The following CWC25 variants were observed in gnomAD, a reference collection of about 807,000 sequenced individuals.
CWC25 encodes the protein pre-mRNA-splicing factor CWC25 homolog.
In CWC25, 31 loss-of-function variants were observed where a neutral mutation model predicts 54.6. That is an observed-to-expected ratio of 0.57 (90% CI 0.43 to 0.77). The LOEUF (loss-of-function observed/expected upper bound fraction) is 0.77, where lower values mean the gene tolerates loss of function less well. Ranked by LOEUF, CWC25 falls within the 30% of genes least tolerant of loss-of-function variation. CWC25 has a pLI of 0.00. For synonymous variants in CWC25, 151 were observed against 187.0 expected (o/e 0.81, Z 1.57); for missense variants, 453 against 529.3 (o/e 0.86, Z 1.41).
intron 1 of CWC25, among the ~76,000 whole-genome samples, chr17:38,821,841 C>A (rs1306475610): frequency 1.3e-5 from 2 of 151,426 alleles, no homozygotes; most frequent in Non-Finnish European, 2.9e-5. Context: ...GCTATCTCGG[C>A]TGACTGCACC....
In CWC25 at chr17:38,815,803, C is replaced by T. The variant is rs190528971; in HGVS notation, c.192-706G>A. The T allele has an allele frequency of 1.4e-5, 8 of 577,624 alleles. No homozygotes were observed. In the East Asian group the frequency reaches 4.9e-4, roughly 35 times the overall value. The allele number at this position is 577,624 out of a possible 1,614,324, so 35.8% of individuals were successfully genotyped here. On this transcript the variant is annotated intron_variant, in intron 2 of 9. Coordinates refer to ENST00000614790, the MANE Select transcript of CWC25 (RefSeq NM_017748.5). ...TTACCATCAAGAACAATTTCAGTGA[C>T]CACATACGCAGTTGCATTGATTGTG...
chr17:38,814,841 TC>T lies in CWC25; in HGVS notation c.428+19del, dbSNP rs1190163148. 1 of 1,573,142 alleles carries T rather than the reference TC, an allele frequency of 6.4e-7. No homozygotes were observed. The highest frequency in any genetic ancestry group is 8.7e-7 in the Non-Finnish European group (1 of 1,151,694). On this transcript the variant is annotated intron_variant, in intron 3 of 9. Transcript: ENST00000614790. Reference sequence around the variant, plus strand: ...TCAAAGCATCTGTAACAAACCCCCTTCCTAGCCCCCCATTAGTACCTGATGA... The same window carrying T: ...TCAAAGCATCTGTAACAAACCCCCTTCTAGCCCCCCATTAGTACCTGATGA...
intron 1 of CWC25, among the ~76,000 whole-genome samples, chr17:38,821,387 G>A (rs1181357923): frequency 2.6e-5 from 4 of 152,024 alleles, no homozygotes; most frequent in South Asian, 2.1e-4. Context: ...ATGATGAAAC[G>A]CCTCTACTGA....
chr17:38,822,850 ATTT>A (rs36069874), intron 1 of CWC25, among the ~76,000 whole-genome samples: 1 of 139,504 alleles, frequency 7.2e-6, no homozygotes. Context: ...CGCCTGGCCA[ATTT>A]TTTTTTTTTT....
intron 6 of CWC25, 38 bp downstream of exon 6, chr17:38,809,664 T>G (rs755002744): frequency 6.2e-7 from 1 of 1,602,030 alleles, no homozygotes; most frequent in Admixed American, 1.7e-5. Flanking sequence ...CATCCCACAG[T>G]CCCACAGTCA....
In CWC25 at chr17:38,825,221, G is replaced by T. The variant is rs770014030; in HGVS notation, c.-38C>A. On this transcript the variant is annotated 5_prime_UTR_variant, in exon 1 of 10. Coordinates refer to ENST00000614790, the MANE Select transcript of CWC25 (RefSeq NM_017748.5). ...GATTCCTCACTACGCGGATCTGGAA[G>T]ATTTCGGGAGGATCAAGAGAAAACG... is the stretch of plus-strand genomic sequence containing the variant. 5.7e-6 allele frequency: 9 copies of T among 1,580,122 alleles called. No homozygotes were observed. The East Asian group carries it at 2.1e-4, about 37-fold the overall frequency.
chr17:38,810,697 A>C (rs958076532), intron 4 of CWC25, 102 bp from the exon 5 acceptor site: 2 of 704,926 alleles, frequency 2.8e-6, no homozygotes, highest in Non-Finnish European at 5.1e-6. Context: ...AGTGGAGCAG[A>C]TCATCACTTG....
In CWC25 at chr17:38,820,481, C is replaced by T. The variant is rs114912253; in HGVS notation, c.191+420G>A. ...ATCCACCTTCTCTCATGGGACCTCA[C>T]TCCCTGCCCCCTGTCCCCGCCGACC... is the stretch of plus-strand genomic sequence containing the variant. On this transcript the variant is annotated intron_variant, in intron 2 of 9. Transcript: ENST00000614790. Among the ~76,000 whole-genome samples, 1,389 of 152,176 alleles carry T rather than the reference C, an allele frequency of 9.1e-3. 27 individuals are homozygous for T. Among genetic ancestry groups the T allele is most frequent in the African/African-American group, 0.032 (1,324 of 41,538 alleles).
chr17:38,823,279 C>T (rs1204872612), intron 1 of CWC25, among the ~76,000 whole-genome samples: 1 of 151,156 alleles, frequency 6.6e-6, no homozygotes, highest in Admixed American at 6.6e-5. Flanking sequence ...CCTGCCTCAG[C>T]CTCCCAAGTA....
chr17:38,807,627 A>G (rs1911306773), intron 6 of CWC25, among the ~76,000 whole-genome samples: 1 of 138,278 alleles, frequency 7.2e-6, no homozygotes, highest in Non-Finnish European at 1.6e-5. Context: ...GTGGCAGCAC[A>G]CGCCTGTAGT....
intron 8 of CWC25, among the ~76,000 whole-genome samples, chr17:38,803,254 A>G (rs537296901): frequency 9.2e-5 from 14 of 152,366 alleles, no homozygotes; most frequent in Non-Finnish European, 1.5e-4. Flanking sequence ...TGGAGACTAG[A>G]AATTCATGAC....
Position 38,806,972 on chromosome 17 carries a change from C to G in CWC25, c.695G>C (p.Arg232Pro), listed in dbSNP as rs372259538. Residue 232 changes from arginine (R) to proline (P), a missense_variant, in exon 7 of 10, where the codon CGG becomes CCG. By Grantham distance (103) the Arg-to-Pro change is moderately radical (BLOSUM62 -2). This residue lies in a region of CWC25 where 444 missense variants were observed against 499.2 expected (regional missense o/e 0.89). Transcript: ENST00000614790. ...AAGACCCTGGTTACGGTCAGAGTTCCGGACCTACATCATTAAGGAAAAGAG... is the reference window on the plus strand; with the variant it reads ...AAGACCCTGGTTACGGTCAGAGTTCGGGACCTACATCATTAAGGAAAAGAG... The part of the protein sequence containing the change: ...SKVPGYGLQV[R>P]NSDRNQGLQG... 1 of 1,608,490 alleles carries G rather than the reference C, an allele frequency of 6.2e-7. No individual in the cohort carries two copies. The highest frequency in any genetic ancestry group is 2.2e-5 in the East Asian group (1 of 44,774).
At chr17:38,815,732 C>T (rs1335958350) in intron 2 of CWC25, 1 of 1,243,344 alleles carries the variant, frequency 8.0e-7, no homozygotes, top group Non-Finnish European at 1.0e-6. Flanking sequence ...GCTTTCATTT[C>T]CAAGATGACC....
At chr17:38,805,863 T>C (rs1474431429) in intron 8 of CWC25, among the ~76,000 whole-genome samples, 4 of 152,068 alleles carry the variant, frequency 2.6e-5, no homozygotes, top group African/African-American at 9.7e-5. Flanking sequence ...CCTGGGCTGC[T>C]GTGCAGTGGT....
chr17:38,823,262 C>T (rs1488987083), intron 1 of CWC25, among the ~76,000 whole-genome samples: 20 of 149,602 alleles, frequency 1.3e-4, no homozygotes, highest in African/African-American at 2.2e-4. Context: ...TGGGTTCAAG[C>T]GATTCTCCTG....
intron 1 of CWC25, 115 bp from the exon 2 acceptor site, chr17:38,821,188 G>A: frequency 1.1e-6 from 1 of 950,850 alleles, no homozygotes; most frequent in Non-Finnish European, 1.6e-6. Flanking sequence ...AGGGCAAGAT[G>A]TCTTCAACAA....
intron 8 of CWC25, among the ~76,000 whole-genome samples, chr17:38,803,919 C>T (rs1911127545): frequency 6.6e-6 from 1 of 151,854 alleles, no homozygotes; most frequent in South Asian, 2.1e-4. Context: ...TGGTGGCACC[C>T]GTGTAGCCCC....
intron 2 of CWC25, among the ~76,000 whole-genome samples, chr17:38,819,533 ATTT>A (rs779646563): frequency 2.2e-5 from 3 of 137,206 alleles, no homozygotes; most frequent in Admixed American, 7.4e-5. Context: ...CGCCCAGTTA[ATTT>A]TTTTTTTTTT....
chr17:38,825,277 G>C lies in CWC25; in HGVS notation c.-94C>G. The stretch of plus-strand genomic sequence containing the variant: ...AAATAGTTCGGGGGCTACCTCGCGG[G>C]ATCTAGTCCCAGGAGCCGTCAACTG... On this transcript the variant is annotated 5_prime_UTR_variant, in exon 1 of 10. The change creates a new upstream start codon in the 5' untranslated region. Coordinates refer to ENST00000614790, the MANE Select transcript of CWC25 (RefSeq NM_017748.5). The C allele has an allele frequency of 4.4e-6, 6 of 1,378,950 alleles. No homozygotes were observed. The highest frequency in any genetic ancestry group is 5.9e-6 in the Non-Finnish European group (6 of 1,012,266). 85.4% of individuals were successfully genotyped at this position (1,378,950 alleles called of 1,614,324 possible).
Sources: gnomAD v4.1 joint callset for allele counts (sites outside exome capture counted in the v4.1 genomes callset) on GRCh38, gnomAD v4.1.1 for gene constraint, gnomAD v4.1.1 regional missense constraint, MANE v1.5 for transcripts, NCBI Gene and HGNC (gene_info 2026-07-23, HGNC 2026-07-21) for gene names.